MAD1L1: variants seen among roughly 807,000 people sequenced by gnomAD.
MAD1L1 encodes mitotic spindle assembly checkpoint protein MAD1.
Under a neutral mutation model 96.9 loss-of-function variants are expected in MAD1L1, and 95 were observed. The ratio of observed to expected loss-of-function variants is 0.98; its 90% CI spans 0.83 to 1.16. MAD1L1 has a LOEUF of 1.16. Among genes scored for constraint, MAD1L1 ranks in the 50% most tolerant of loss-of-function variants. The probability of loss-of-function intolerance (pLI) is 0.00; values close to 1 mark genes in which losing one functional copy is unlikely to be tolerated. For missense variants in MAD1L1, 1,007 were observed against 954.4 expected, an observed-to-expected ratio of 1.06 and a Z score of -0.73; for synonymous variants, 473 against 396.6, an observed-to-expected ratio of 1.19 and a Z score of -2.29.
At chr7:1,835,594 A>T (rs960242486) in intron 18 of MAD1L1, among the ~76,000 whole-genome samples, 1 of 152,220 alleles carries the variant, frequency 6.6e-6, no homozygotes, top group East Asian at 1.9e-4. Flanking sequence ...TCTGAAAAAG[A>T]TGTGAAATAC....
chr7:2,009,157 G>A (rs771802057), intron 13 of MAD1L1, among the ~76,000 whole-genome samples: 2 of 152,150 alleles, frequency 1.3e-5, no homozygotes, highest in South Asian at 2.1e-4. Context: ...CACGAGCCCC[G>A]GGCCCTGGCG....
At chr7:2,211,642 T>G in intron 10 of MAD1L1, among the ~76,000 whole-genome samples, 1 of 152,140 alleles carries the variant, frequency 6.6e-6, no homozygotes, top group East Asian at 1.9e-4. Flanking sequence ...CACAAAGCAT[T>G]TAGGCCCCGC....
At chr7:1,890,400 C>T (rs1480021078) in intron 18 of MAD1L1, among the ~76,000 whole-genome samples, 1 of 152,238 alleles carries the variant, frequency 6.6e-6, no homozygotes, top group African/African-American at 2.4e-5. Context: ...TGGCACCCCA[C>T]CCCTTTGGCC....
chr7:1,985,768 G>A (rs923515074), intron 14 of MAD1L1, among the ~76,000 whole-genome samples: 10 of 108,390 alleles, frequency 9.2e-5, no homozygotes, highest in African/African-American at 3.4e-4. Flanking sequence ...CCGTGCATCC[G>A]GTCACCTTCC....
intron 12 of MAD1L1, among the ~76,000 whole-genome samples, chr7:2,016,488 G>A (rs1233759803): frequency 1.4e-4 from 21 of 152,282 alleles, no homozygotes; most frequent in Admixed American, 1.3e-3. Context: ...CACAAGCTGA[G>A]CCCCCGCCCA....
At chr7:2,060,650 A>C (rs1489791022) in intron 12 of MAD1L1, among the ~76,000 whole-genome samples, 3 of 152,372 alleles carry the variant, frequency 2.0e-5, no homozygotes, top group Middle Eastern at 3.4e-3. Flanking sequence ...AACACACCAG[A>C]AAGCCCTGAA....
intron 17 of MAD1L1, among the ~76,000 whole-genome samples, chr7:1,908,055 G>A (rs570233418): frequency 3.9e-5 from 6 of 152,362 alleles, no homozygotes; most frequent in African/African-American, 1.4e-4. Flanking sequence ...TGGGTGACCA[G>A]ACAGTACGTT....
chr7:2,002,824 G>A (rs1304158247), intron 13 of MAD1L1, among the ~76,000 whole-genome samples: 3 of 152,216 alleles, frequency 2.0e-5, no homozygotes, highest in African/African-American at 2.4e-5. Context: ...CTGCACCCAT[G>A]ACCTGCACGG....
intron 14 of MAD1L1, 169 bp from the exon 15 acceptor site, chr7:1,980,710 C>T (rs557543941): frequency 1.4e-6 from 1 of 709,306 alleles, no homozygotes; most frequent in Admixed American, 2.0e-5. Context: ...CCAGACAGCA[C>T]TCTAACTTTG....
At chr7:1,897,549 G>A (rs532736930) in intron 18 of MAD1L1, among the ~76,000 whole-genome samples, 3 of 152,338 alleles carry the variant, frequency 2.0e-5, no homozygotes, top group Non-Finnish European at 2.9e-5. Context: ...AGCTGCTGGA[G>A]GTCCAAGTGG....
chr7:2,095,850 GCACACTT>G (rs1786461966), intron 11 of MAD1L1, among the ~76,000 whole-genome samples: 1 of 152,230 alleles, frequency 6.6e-6, no homozygotes, highest in Non-Finnish European at 1.5e-5. Context: ...GTGCATCCAC[GCACACTT>G]GCCGGCAGCC....
At chr7:1,988,010 C>T (rs866133163) in intron 14 of MAD1L1, among the ~76,000 whole-genome samples, 8 of 152,188 alleles carry the variant, frequency 5.3e-5, no homozygotes, top group African/African-American at 9.7e-5. Flanking sequence ...GCATCCTCAC[C>T]GAGGACCTGT....
chr7:2,008,900 A>G (rs1431627878), intron 13 of MAD1L1, among the ~76,000 whole-genome samples: 6 of 152,228 alleles, frequency 3.9e-5, no homozygotes, highest in Admixed American at 3.9e-4. Flanking sequence ...GGAGAGGCCA[A>G]GCCCACTCGG....
rs1424224349 is a variant in MAD1L1 at position 2,094,290 on chromosome 7, A to G, written c.1074-24952T>C. Among the ~76,000 whole-genome samples the G allele has an allele frequency of 1.2e-4, 19 of 152,180 alleles. 1 individual carries two copies. Among genetic ancestry groups the G allele is most frequent in the Non-Finnish European group, 2.8e-4 (19 of 68,038 alleles). ...CCCTCTGGATGCAGAATCCCTCTGG[A>G]TGCAGAATCCACAGCTCTCACATCG... On this transcript the variant is annotated intron_variant, in intron 11 of 18. Transcript: ENST00000265854.
intron 11 of MAD1L1, among the ~76,000 whole-genome samples, chr7:2,097,301 G>C (rs958135878): frequency 6.6e-6 from 1 of 152,166 alleles, no homozygotes; most frequent in Non-Finnish European, 1.5e-5. Context: ...CACAAGAGGA[G>C]ATGACCGCTA....
rs1243245490 is a variant in MAD1L1, at chr7:2,215,909, C to T, written c.900G>A (p.Leu300=). ...LGRQEKMQET[L]VGLELENERL... The stretch of plus-strand genomic sequence containing the variant: ...CCTCGTTCTCCAGCTCCAAGCCAAC[C>T]AGCGTCTCCTGCATCTTCTCCTGGC... Residue 300 remains leucine (L), a synonymous_variant, in exon 9 of 19, where the codon CTG becomes CTA. Coordinates refer to ENST00000265854, the MANE Select transcript of MAD1L1 (RefSeq NM_001013836.2). 1 of 1,614,214 alleles carries T rather than the reference C, an allele frequency of 6.2e-7. No individual in the cohort carries two copies. Among genetic ancestry groups the T allele is most frequent in the Non-Finnish European group, 8.5e-7 (1 of 1,180,022 alleles).
intron 13 of MAD1L1, among the ~76,000 whole-genome samples, chr7:2,003,331 T>C (rs949963995): frequency 8.6e-5 from 13 of 151,848 alleles, no homozygotes; most frequent in African/African-American, 3.1e-4. Context: ...GTGGTGGGGA[T>C]GGGGGAAGTA....
intron 16 of MAD1L1, among the ~76,000 whole-genome samples, chr7:1,951,306 G>A (rs571042868): frequency 9.2e-5 from 14 of 152,388 alleles, no homozygotes; most frequent in Non-Finnish European, 1.2e-4. Flanking sequence ...GAGGAAGGCA[G>A]GAGTGACCGA....
At chr7:1,839,890 C>CCT (rs1203228347) in intron 18 of MAD1L1, among the ~76,000 whole-genome samples, 1 of 152,210 alleles carries the variant, frequency 6.6e-6, no homozygotes. Flanking sequence ...AGGCTCCCCG[C>CCT]CTCCCCCCAT....
Sources: gnomAD v4.1 joint callset for allele counts (sites outside exome capture counted in the v4.1 genomes callset) on GRCh38, gnomAD v4.1.1 for gene constraint, MANE v1.5 for transcripts, NCBI Gene and HGNC (gene_info 2026-07-23, HGNC 2026-07-21) for gene names.